CPO: variants seen among roughly 807,000 people sequenced by gnomAD.
CPO encodes carboxypeptidase O.
CPO carries 43 observed loss-of-function variants against 41.2 expected under a neutral mutation model. The observed-to-expected ratio is 1.04, with a 90% CI of 0.82 to 1.35. The LOEUF (loss-of-function observed/expected upper bound fraction) is 1.35, where lower values mean the gene tolerates loss of function less well. CPO is among the 40% of genes most tolerant of loss of function. The probability of loss-of-function intolerance (pLI) is 0.00; values close to 1 mark genes in which losing one functional copy is unlikely to be tolerated. For synonymous variants in CPO, 178 were observed against 162.7 expected (o/e 1.09, Z -0.72); for missense variants, 408 against 451.7 (o/e 0.90, Z 0.88).
intron 7 of CPO, among the ~76,000 whole-genome samples, chr2:206,967,352 G>T (rs11901765): frequency 0.35 from 41,343 of 118,084 alleles, 5,950 homozygotes; most frequent in Middle Eastern, 0.42. Context: ...TATATATATA[G>T]ATATATAGAT....
At chr2:206,944,734 TTAA>T (rs571584074) in intron 1 of CPO, among the ~76,000 whole-genome samples, 4 of 151,944 alleles carry the variant, frequency 2.6e-5, no homozygotes, top group African/African-American at 9.7e-5. Context: ...TTACTAACAA[TTAA>T]TAATAATAAA....
chr2:206,967,300 G>A (rs1693591435), intron 7 of CPO, among the ~76,000 whole-genome samples: 2 of 151,194 alleles, frequency 1.3e-5, no homozygotes, highest in South Asian at 2.1e-4. Context: ...TGGTAGGTGT[G>A]GGGATGGGTA....
intron 1 of CPO, among the ~76,000 whole-genome samples, chr2:206,943,635 C>T (rs193079573): frequency 4.9e-4 from 69 of 141,294 alleles, no homozygotes; most frequent in Non-Finnish European, 8.1e-4. Flanking sequence ...TAGTATTTAC[C>T]TTAAGAATTA....
chr2:206,959,534 T>C, intron 4 of CPO, 97 bp from the exon 5 acceptor site: 1 of 660,452 alleles, frequency 1.5e-6, no homozygotes, highest in Non-Finnish European at 2.8e-6. Context: ...GGAGGTGTGA[T>C]GTACAGTCAC....
intron 7 of CPO, among the ~76,000 whole-genome samples, chr2:206,964,069 C>A (rs1693527729): frequency 6.6e-6 from 1 of 152,124 alleles, no homozygotes; most frequent in Admixed American, 6.5e-5. Flanking sequence ...AGAAGTGGGG[C>A]TAAGCTTGCT....
intron 2 of CPO, among the ~76,000 whole-genome samples, chr2:206,951,360 C>T (rs913896387): frequency 9.2e-5 from 14 of 152,116 alleles, no homozygotes; most frequent in African/African-American, 3.1e-4. Flanking sequence ...TACTTATGTA[C>T]GTGTGTGTAT....
At chr2:206,968,026 G>T (rs969061011) in intron 7 of CPO, among the ~76,000 whole-genome samples, 2 of 152,182 alleles carry the variant, frequency 1.3e-5, no homozygotes, top group African/African-American at 4.8e-5. Flanking sequence ...GTTTGGAAGA[G>T]AATGCAAGCC....
At chr2:206,961,768 A>G (rs987824377) in intron 6 of CPO, among the ~76,000 whole-genome samples, 2 of 152,030 alleles carry the variant, frequency 1.3e-5, no homozygotes, top group Non-Finnish European at 2.9e-5. Context: ...CTTTCCAGGC[A>G]TTTGTTTCAG....
chr2:206,947,351 G>A (rs1287424367), intron 1 of CPO, among the ~76,000 whole-genome samples: 1 of 152,086 alleles, frequency 6.6e-6, no homozygotes, highest in African/African-American at 2.4e-5. Flanking sequence ...ACATCCAAAT[G>A]CAAAATAAGT....
rs2105828215 is a variant in CPO, at chr2:206,962,566, C to T, written c.729C>T (p.Leu243=). The T allele has an allele frequency of 6.2e-7, 1 of 1,614,132 alleles. No homozygotes were observed. Among genetic ancestry groups the T allele is most frequent in the Non-Finnish European group, 8.5e-7 (1 of 1,179,994 alleles). ...TGCACTCTTATGGGCAGTTAATTCT[C>T]ACACCTTACGGCTACACCAAAAATA... ...LTMHSYGQLI[L]TPYGYTKNKS... The change falls in exon 7 of 9, where the codon CTC becomes CTT. Residue 243 remains leucine, a synonymous_variant. Transcript: ENST00000272852.
chr2:206,952,677 C>T (rs1320402630), intron 2 of CPO, among the ~76,000 whole-genome samples: 2 of 152,126 alleles, frequency 1.3e-5, no homozygotes, highest in East Asian at 1.9e-4. Flanking sequence ...TAGCCTAGGA[C>T]TTGATTCAGA....
chr2:206,958,728 GTTTTTTTT>G (rs752377148), intron 4 of CPO, among the ~76,000 whole-genome samples: 3 of 53,334 alleles, frequency 5.6e-5, no homozygotes, highest in East Asian at 7.8e-4. Flanking sequence ...AAATTTTCTA[GTTTTTTTT>G]TTTTTTTTTT....
intron 4 of CPO, among the ~76,000 whole-genome samples, chr2:206,958,747 T>A (rs1046592796): frequency 5.5e-5 from 8 of 144,950 alleles, no homozygotes; most frequent in Non-Finnish European, 1.1e-4. Context: ...TTTTTTTTTT[T>A]TTTTTTTTTT....
chr2:206,943,674 TGATA>T (rs71987761), intron 1 of CPO, among the ~76,000 whole-genome samples: 11,919 of 106,320 alleles, frequency 0.11, 698 homozygotes, highest in African/African-American at 0.17. Context: ...GATAGATAGA[TGATA>T]GATAGATAGA....
At position 206,957,266 on chromosome 2, in the gene CPO, C is replaced by T. The variant is rs372891594; in HGVS notation, c.268-1035C>T. Among the ~76,000 whole-genome samples, 666 of 151,824 alleles carry T rather than the reference C, an allele frequency of 4.4e-3. 5 individuals are homozygous for T. The highest frequency in any genetic ancestry group is 0.015 in the African/African-American group (641 of 41,386). On this transcript the variant is annotated intron_variant, in intron 3 of 8. Coordinates refer to ENST00000272852, the MANE Select transcript of CPO (RefSeq NM_173077.3). ...TGGCATGTGCCTGTAGTCCCAGCTA[C>T]TTGGGAGGCTGAGGCAGAAGAATTG...
In CPO at chr2:206,967,346, T is replaced by TATATATATATAG. The variant is rs1452317069; in HGVS notation, c.778-912_778-911insTATATAGATATA. On this transcript the variant is annotated intron_variant, in intron 7 of 8. Coordinates refer to ENST00000272852, the MANE Select transcript of CPO (RefSeq NM_173077.3). ...CTCTGAAATGCTATATATATATATA[T>TATATATATATAG]ATATAGATATATAGATATAGATATA... Among the ~76,000 whole-genome samples, 176 of 111,290 alleles carry TATATATATATAG rather than the reference T, an allele frequency of 1.6e-3. 1 individual carries two copies. Among genetic ancestry groups the TATATATATATAG allele is most frequent in the African/African-American group, 6.6e-3 (173 of 26,208 alleles). The allele number at this position is 111,290 out of a possible 152,430, so 73.0% of individuals were successfully genotyped here.
chr2:206,969,222 C>T lies in CPO; in HGVS notation c.911C>T (p.Pro304Leu), dbSNP rs917282531. The change falls in exon 9 of 9, where the codon CCC (proline) becomes CTC (leucine). Residue 304 changes from proline to leucine, a missense_variant. Transcript: ENST00000272852. ...GATTGGGCCCGAGACATTGGGATTC[C>T]CTTCTCATATACGTTTGAGCTGAGG... ...SRDWARDIGIPFSYTFELRDS... is the reference protein window; with the variant it reads ...SRDWARDIGILFSYTFELRDS... 5.0e-6 allele frequency: 8 copies of T among 1,614,126 alleles called. No homozygotes were observed. Among genetic ancestry groups the T allele is most frequent in the Non-Finnish European group, 6.8e-6 (8 of 1,179,990 alleles).
intron 1 of CPO, among the ~76,000 whole-genome samples, chr2:206,943,970 C>T (rs1327571089): frequency 6.6e-6 from 1 of 152,042 alleles, no homozygotes; most frequent in Admixed American, 6.6e-5. Flanking sequence ...GCTTATCATA[C>T]CTCATGCCTT....
intron 6 of CPO, among the ~76,000 whole-genome samples, chr2:206,961,597 A>G (rs1559073691): frequency 6.6e-6 from 1 of 152,198 alleles, no homozygotes; most frequent in Non-Finnish European, 1.5e-5. Flanking sequence ...CCTAGCAGAT[A>G]GGAGGTGCTC....
Sources: gnomAD v4.1 joint callset for allele counts (sites outside exome capture counted in the v4.1 genomes callset) on GRCh38, gnomAD v4.1.1 for gene constraint, MANE v1.5 for transcripts, NCBI Gene and HGNC (gene_info 2026-07-23, HGNC 2026-07-21) for gene names.